Variants in SIPA1L1 observed in about 807,000 individuals in gnomAD.
SIPA1L1 encodes signal-induced proliferation-associated 1-like protein 1.
Under a neutral mutation model 162.7 loss-of-function variants are expected in SIPA1L1, and 26 were observed. The ratio of observed to expected loss-of-function variants is 0.16; its 90% CI spans 0.12 to 0.22. SIPA1L1 has a LOEUF of 0.22. Ranked by LOEUF, SIPA1L1 falls within the 10% of genes least tolerant of loss-of-function variation. The pLI, the probability that SIPA1L1 is intolerant of heterozygous loss-of-function variation, is 1.00. For synonymous variants in SIPA1L1, 829 were observed against 837.4 expected (o/e 0.99, Z 0.17); for missense variants, 1,874 against 2,241.0 (o/e 0.84, Z 3.31).
At chr14:71,714,508 G>A (rs919203139) in intron 17 of SIPA1L1, among the ~76,000 whole-genome samples, 4 of 152,120 alleles carry the variant, frequency 2.6e-5, no homozygotes, top group Admixed American at 6.5e-5. Flanking sequence ...CATTCTACCA[G>A]GATGAGAATT....
intron 2 of SIPA1L1, among the ~76,000 whole-genome samples, chr14:71,355,599 C>G (rs1340881434): frequency 6.6e-6 from 1 of 152,194 alleles, no homozygotes; most frequent in Non-Finnish European, 1.5e-5. Context: ...TTATTGTATC[C>G]TCTTCTCAAA....
intron 2 of SIPA1L1, among the ~76,000 whole-genome samples, chr14:71,430,446 C>T (rs2043900990): frequency 1.3e-5 from 2 of 152,080 alleles, no homozygotes; most frequent in Non-Finnish European, 2.9e-5. Flanking sequence ...CTCTACAATC[C>T]TCTAGCTGGA....
In SIPA1L1 at chr14:71,596,191, G is replaced by A. The variant is rs543768648; in HGVS notation, c.1498+6821G>A. Among the ~76,000 whole-genome samples, 20 of 152,286 alleles carry A rather than the reference G, an allele frequency of 1.3e-4. 1 individual carries two copies. In the South Asian group the frequency reaches 3.7e-3, roughly 28 times the overall value. On this transcript the variant is annotated intron_variant, in intron 5 of 23. Transcript: ENST00000381232. ...GATTAGGCAGGGAGAGCCTCAGACC[G>A]TGATGCAGGTCTGACAAAGTGTCAG...
At chr14:71,634,866 G>A (rs1454967932) in intron 7 of SIPA1L1, among the ~76,000 whole-genome samples, 3 of 151,872 alleles carry the variant, frequency 2.0e-5, no homozygotes, top group Non-Finnish European at 2.9e-5. Context: ...TACCTGGGAG[G>A]CGGAGCTTGC....
At chr14:71,707,134 C>T (rs567783408) in intron 16 of SIPA1L1, among the ~76,000 whole-genome samples, 5 of 151,288 alleles carry the variant, frequency 3.3e-5, no homozygotes, top group Non-Finnish European at 5.9e-5. Context: ...CACACACGCA[C>T]GCACACACAC....
At chr14:71,684,039 C>A (rs746069290) in intron 12 of SIPA1L1, among the ~76,000 whole-genome samples, 7 of 152,112 alleles carry the variant, frequency 4.6e-5, no homozygotes, top group Non-Finnish European at 1.0e-4. Context: ...AGAGTGGAGC[C>A]TTGGGCGGAG....
At chr14:71,634,770 A>G (rs1002250866) in intron 7 of SIPA1L1, among the ~76,000 whole-genome samples, 2 of 151,564 alleles carry the variant, frequency 1.3e-5, no homozygotes, top group African/African-American at 4.9e-5. Flanking sequence ...CCCCATCTCT[A>G]CTAAAAATAC....
intron 7 of SIPA1L1, among the ~76,000 whole-genome samples, chr14:71,649,846 CTT>C (rs2042475463): frequency 6.6e-6 from 1 of 151,752 alleles, no homozygotes; most frequent in Admixed American, 6.6e-5. Context: ...GGAGATAAGT[CTT>C]TTCTAATTTT....
intron 2 of SIPA1L1, among the ~76,000 whole-genome samples, chr14:71,342,594 A>C (rs559411412): frequency 6.6e-6 from 1 of 152,342 alleles, no homozygotes; most frequent in South Asian, 2.1e-4. Flanking sequence ...GATCAGACAG[A>C]AATGAAATTG....
chr14:71,341,595 C>T (rs950742020), intron 2 of SIPA1L1, among the ~76,000 whole-genome samples: 3 of 152,184 alleles, frequency 2.0e-5, no homozygotes, highest in Non-Finnish European at 2.9e-5. Context: ...CTAATAATCT[C>T]GTTATGCAGG....
At chr14:71,467,355 G>A (rs978354720) in intron 2 of SIPA1L1, 18 of 152,218 alleles carry the variant, frequency 1.2e-4, no homozygotes, top group Admixed American at 1.1e-3. Context: ...CCAAGAAGAA[G>A]CATTCGTCAT....
At chr14:71,636,140 T>C (rs2041125072) in intron 7 of SIPA1L1, among the ~76,000 whole-genome samples, 1 of 152,060 alleles carries the variant, frequency 6.6e-6, no homozygotes. Flanking sequence ...CCTTCAACAA[T>C]GGAAAGGAAA....
chr14:71,414,685 G>T (rs2042634623), intron 2 of SIPA1L1, among the ~76,000 whole-genome samples: 1 of 152,320 alleles, frequency 6.6e-6, no homozygotes, highest in Non-Finnish European at 1.5e-5. Flanking sequence ...AATTAGGTGA[G>T]AGCTTATACT....
intron 5 of SIPA1L1, among the ~76,000 whole-genome samples, chr14:71,607,430 A>G (rs1212196420): frequency 4.6e-5 from 7 of 152,072 alleles, no homozygotes; most frequent in South Asian, 2.1e-4. Flanking sequence ...ACTAATACCA[A>G]TGCTTTTGGA....
chr14:71,377,770 C>G lies in SIPA1L1; in HGVS notation c.-465+56589C>G, dbSNP rs1210058379. ...CGGGCAGATCACCCGAGTTCAGGAG[C>G]TGGAGACCAGTCCGGCCAACACGGC... On this transcript the variant is annotated intron_variant, in intron 2 of 23. Coordinates refer to ENST00000381232, the MANE Select transcript of SIPA1L1 (RefSeq NM_001386936.1). This position sits in a 1 kb window ranked among gnomAD's most constrained non-coding sequence, Gnocchi z 4.8. Among the ~76,000 whole-genome samples the G allele has an allele frequency of 1.3e-5, 2 of 152,234 alleles. No individual in the cohort carries two copies. The highest frequency in any genetic ancestry group is 2.9e-5 in the Non-Finnish European group (2 of 68,036).
intron 22 of SIPA1L1, among the ~76,000 whole-genome samples, chr14:71,736,979 C>G (rs893387139): frequency 5.9e-5 from 9 of 152,240 alleles, no homozygotes; most frequent in Non-Finnish European, 1.2e-4. Context: ...CGCCCCTTTT[C>G]TACCACATCC....
At chr14:71,573,648 C>T (rs1567226889) in intron 4 of SIPA1L1, 1 of 456,726 alleles carries the variant, frequency 2.2e-6, no homozygotes, top group Non-Finnish European at 4.4e-6. Flanking sequence ...TATGCATTTC[C>T]AAATGTCGAA....
Position 71,739,173 on chromosome 14 carries a change from GA to G in SIPA1L1, c.*13del. On this transcript the variant is annotated 3_prime_UTR_variant, in exon 24 of 24. Transcript: ENST00000381232. ...TAGACATGAGCTAGGGAAGGCTGAG[GA>G]GGACAGGAGAAGGGCCCAGACACTC... The G allele has an allele frequency of 6.2e-7, 1 of 1,608,484 alleles. No individual in the cohort carries two copies. The highest frequency in any genetic ancestry group is 1.3e-5 in the African/African-American group (1 of 74,930).
intron 5 of SIPA1L1, 61 bp downstream of exon 5, chr14:71,589,431 T>C (rs1395100951): frequency 1.0e-6 from 1 of 1,004,126 alleles, no homozygotes; most frequent in African/African-American, 1.6e-5. Context: ...AGAAAAGTAC[T>C]GTATATTAAG....
Sources: allele counts gnomAD v4.1 joint callset (sites outside exome capture counted in the v4.1 genomes callset), GRCh38; gene constraint gnomAD v4.1.1; non-coding constraint Gnocchi (gnomAD v3.1); transcripts MANE v1.5; gene names NCBI Gene and HGNC (gene_info 2026-07-23, HGNC 2026-07-21).